The following CTNND2 variants were observed in gnomAD, a reference collection of about 807,000 sequenced individuals.
CTNND2 encodes catenin delta-2.
In CTNND2, 22 loss-of-function variants were observed where a neutral mutation model predicts 144.4. The observed-to-expected ratio is 0.15, with a 90% CI of 0.11 to 0.22. CTNND2 has a LOEUF of 0.22. CTNND2 is among the 10% of genes least tolerant of loss of function. CTNND2 has a pLI of 1.00. For missense variants in CTNND2, 1,353 were observed against 1,618.8 expected, an observed-to-expected ratio of 0.84 and a Z score of 2.82; for synonymous variants, 751 against 695.6, an observed-to-expected ratio of 1.08 and a Z score of -1.25.
intron 9 of CTNND2, among the ~76,000 whole-genome samples, chr5:11,304,763 G>T (rs1259327044): frequency 6.6e-6 from 1 of 152,060 alleles, no homozygotes; most frequent in African/African-American, 2.4e-5. Flanking sequence ...TTTCTTCCTG[G>T]CCACTGTGCT....
chr5:11,008,988 C>T (rs1050284063), intron 18 of CTNND2, among the ~76,000 whole-genome samples: 8 of 152,226 alleles, frequency 5.3e-5, no homozygotes, highest in African/African-American at 1.9e-4. Flanking sequence ...GCCCGCCCAT[C>T]GCATGGGCCC....
intron 16 of CTNND2, among the ~76,000 whole-genome samples, chr5:11,040,032 A>G (rs145684981): frequency 2.3e-3 from 352 of 152,284 alleles, no homozygotes; most frequent in Non-Finnish European, 4.2e-3. Flanking sequence ...ACTGCACTCC[A>G]GCCTGGGTTA....
chr5:11,283,481 C>G (rs556951557), intron 9 of CTNND2, among the ~76,000 whole-genome samples: 1 of 151,870 alleles, frequency 6.6e-6, no homozygotes, highest in East Asian at 1.9e-4. Flanking sequence ...TGAGACCAGC[C>G]TGGCCAACAT....
At position 11,499,407 on chromosome 5, in the gene CTNND2, T is replaced by C. The variant is rs528758829; in HGVS notation, c.287+65537A>G. ...GACAAGAGGCCAGACAATGGCAGGATTACCATTTGCCAACTTGTTTCTGGT... is the reference window on the plus strand; with the variant it reads ...GACAAGAGGCCAGACAATGGCAGGACTACCATTTGCCAACTTGTTTCTGGT... On this transcript the variant is annotated intron_variant, in intron 3 of 21. Coordinates refer to ENST00000304623, the MANE Select transcript of CTNND2 (RefSeq NM_001332.4). Among the ~76,000 whole-genome samples the C allele has an allele frequency of 7.2e-5, 11 of 152,306 alleles. No individual in the cohort carries two copies. In the East Asian group the frequency reaches 1.5e-3, roughly 21 times the overall value.
rs1579909110 is a variant in CTNND2 at position 10,973,705 on chromosome 5, T to G, written c.3426A>C (p.Ala1142=). Residue 1142 remains alanine, a synonymous_variant, in exon 22 of 22, where the codon GCA becomes GCC. Coordinates refer to ENST00000304623, the MANE Select transcript of CTNND2 (RefSeq NM_001332.4). This position sits in a 1 kb window ranked among gnomAD's most constrained non-coding sequence, Gnocchi z 5.6. ...TGCTGGGCTCCTGTGGGACTGGCTG[T>G]GCTGAAACCTAAACGGGAAAGAAGA... The part of the protein sequence containing the change: ...AEDIKHNQVS[A]QPVPQEPSRK... The G allele has an allele frequency of 1.3e-6, 2 of 1,599,186 alleles. No homozygotes were observed. The highest frequency in any genetic ancestry group is 8.5e-7 in the Non-Finnish European group (1 of 1,172,426).
chr5:11,129,192 TAA>T (rs1343973202), intron 12 of CTNND2, among the ~76,000 whole-genome samples: 3 of 47,316 alleles, frequency 6.3e-5, no homozygotes, highest in African/African-American at 1.5e-4. Context: ...ATATAATATA[TAA>T]TATATATTAT....
intron 3 of CTNND2, among the ~76,000 whole-genome samples, chr5:11,522,229 G>A (rs888789180): frequency 1.3e-5 from 2 of 152,188 alleles, no homozygotes; most frequent in African/African-American, 4.8e-5. Context: ...CATGACAAAC[G>A]TGATAAAAGT....
At chr5:11,357,265 T>C (rs1755988083) in intron 8 of CTNND2, among the ~76,000 whole-genome samples, 1 of 152,070 alleles carries the variant, frequency 6.6e-6, no homozygotes, top group Non-Finnish European at 1.5e-5. Flanking sequence ...ATAACCAAGA[T>C]AGGGAATCAA....
intron 10 of CTNND2, among the ~76,000 whole-genome samples, chr5:11,202,990 A>G (rs967901373): frequency 2.6e-5 from 4 of 152,026 alleles, no homozygotes; most frequent in Non-Finnish European, 1.5e-5. Flanking sequence ...TTTTCAGTAG[A>G]GACGGGATTT....
intron 1 of CTNND2, among the ~76,000 whole-genome samples, chr5:11,876,626 C>T (rs1363956469): frequency 6.6e-6 from 1 of 152,028 alleles, no homozygotes; most frequent in Non-Finnish European, 1.5e-5. Context: ...AGTCCAGTAG[C>T]CTGATCTGGG....
chr5:11,800,462 G>A (rs1400886027), intron 1 of CTNND2, among the ~76,000 whole-genome samples: 7 of 152,118 alleles, frequency 4.6e-5, no homozygotes, highest in South Asian at 2.1e-4. Context: ...GTTATTGAGC[G>A]TGATGATCTA....
intron 3 of CTNND2, among the ~76,000 whole-genome samples, chr5:11,485,380 C>T (rs201525618): frequency 0.55 from 79,779 of 146,280 alleles, 21,528 homozygotes; most frequent in African/African-American, 0.61. Flanking sequence ...TGTGTGCGCG[C>T]GCGCGCGTGC....
intron 9 of CTNND2, among the ~76,000 whole-genome samples, chr5:11,273,255 A>G (rs945805796): frequency 6.6e-6 from 1 of 152,180 alleles, no homozygotes; most frequent in Non-Finnish European, 1.5e-5. Context: ...AATAATTGTT[A>G]TAATTATTAT....
At chr5:11,065,790 C>T (rs1436879264) in intron 16 of CTNND2, among the ~76,000 whole-genome samples, 3 of 152,114 alleles carry the variant, frequency 2.0e-5, no homozygotes, top group African/African-American at 4.8e-5. Flanking sequence ...AATATTTTAC[C>T]CCAAAACATG....
intron 14 of CTNND2, among the ~76,000 whole-genome samples, chr5:11,104,323 C>A (rs1050086565): frequency 6.6e-6 from 1 of 152,224 alleles, no homozygotes; most frequent in Non-Finnish European, 1.5e-5. Flanking sequence ...GGAAGTCACA[C>A]ATTGCAAAAT....
At chr5:11,149,268 T>C (rs1178753632) in intron 12 of CTNND2, among the ~76,000 whole-genome samples, 1 of 152,212 alleles carries the variant, frequency 6.6e-6, no homozygotes, top group East Asian at 1.9e-4. Context: ...CGGTGACGCT[T>C]TCCTTTGGCA....
At chr5:11,197,540 A>G (rs1736987557) in intron 11 of CTNND2, among the ~76,000 whole-genome samples, 1 of 152,214 alleles carries the variant, frequency 6.6e-6, no homozygotes, top group Admixed American at 6.5e-5. Flanking sequence ...TCCTTCCTAC[A>G]GCCTGCGTTT....
chr5:11,379,134 T>C (rs924111796), intron 7 of CTNND2, among the ~76,000 whole-genome samples: 2 of 152,216 alleles, frequency 1.3e-5, no homozygotes, highest in African/African-American at 4.8e-5. Flanking sequence ...GTGAAAGGAT[T>C]ATGTTATTCT....
At chr5:11,044,934 G>A (rs932618313) in intron 16 of CTNND2, among the ~76,000 whole-genome samples, 2 of 152,198 alleles carry the variant, frequency 1.3e-5, no homozygotes, top group African/African-American at 4.8e-5. Context: ...CCCTGAAAAT[G>A]GTACTTCTTT....
Sources: gnomAD v4.1 joint callset for allele counts (sites outside exome capture counted in the v4.1 genomes callset) on GRCh38, gnomAD v4.1.1 for gene constraint, Gnocchi (gnomAD v3.1) non-coding constraint, MANE v1.5 for transcripts, NCBI Gene and HGNC (gene_info 2026-07-23, HGNC 2026-07-21) for gene names.